SCYL3: variants seen among roughly 807,000 people sequenced by gnomAD.
SCYL3 encodes the protein SCY1 like pseudokinase 3, also known as protein-associating with the carboxyl-terminal domain of ezrin.
In SCYL3, 35 loss-of-function variants were observed where a neutral mutation model predicts 73.8. The ratio of observed to expected loss-of-function variants is 0.47; its 90% CI spans 0.36 to 0.63. The LOEUF (loss-of-function observed/expected upper bound fraction) is 0.63, where lower values mean the gene tolerates loss of function less well. Among genes scored for constraint, SCYL3 ranks in the 20% least tolerant of loss-of-function variants. SCYL3 has a pLI of 0.00. For synonymous variants in SCYL3, 277 were observed against 295.2 expected (o/e 0.94, Z 0.63); for missense variants, 712 against 798.9 (o/e 0.89, Z 1.31).
chr1:169,865,481 C>G (rs1160375005), intron 8 of SCYL3, among the ~76,000 whole-genome samples: 2 of 152,202 alleles, frequency 1.3e-5, no homozygotes, highest in African/African-American at 2.4e-5. Flanking sequence ...CAGCATTCCC[C>G]TCTCTTCCAG....
chr1:169,856,709 C>CCA (rs1258377844), intron 11 of SCYL3, among the ~76,000 whole-genome samples: 1 of 152,126 alleles, frequency 6.6e-6, no homozygotes, highest in East Asian at 1.9e-4. Context: ...ACCATGTTCT[C>CCA]CACCTCTCTT....
At chr1:169,890,929 G>C (rs1009156763) in intron 1 of SCYL3, among the ~76,000 whole-genome samples, 3 of 152,334 alleles carry the variant, frequency 2.0e-5, no homozygotes, top group South Asian at 4.1e-4. Context: ...GTGCTGGCCA[G>C]ATTGTCACAA....
intron 2 of SCYL3, among the ~76,000 whole-genome samples, chr1:169,887,397 T>C (rs3766152): frequency 0.066 from 10,015 of 152,074 alleles, 429 homozygotes; most frequent in Non-Finnish European, 0.1. Flanking sequence ...CACCATAAAG[T>C]GTAACACAAT....
At chr1:169,867,073 A>G (rs952973072) in intron 7 of SCYL3, 100 bp from the exon 8 acceptor site, 6 of 662,162 alleles carry the variant, frequency 9.1e-6, no homozygotes, top group Non-Finnish European at 1.6e-5. Flanking sequence ...TTCAACCAAG[A>G]AACATTCTCC....
intron 3 of SCYL3, among the ~76,000 whole-genome samples, chr1:169,876,362 A>G (rs1660806424): frequency 6.6e-6 from 1 of 152,214 alleles, no homozygotes; most frequent in Non-Finnish European, 1.5e-5. Flanking sequence ...GCAGGTTAAT[A>G]AACACATTAA....
In SCYL3 at chr1:169,853,883, A is replaced by ACTAC. The variant is rs1287826149; in HGVS notation, c.2008-115_2008-112dup. 3.6e-6 allele frequency: 4 copies of ACTAC among 1,123,682 alleles called. No homozygotes were observed. The African/African-American group carries it at 4.7e-5, about 13-fold the overall frequency. 69.6% of individuals were successfully genotyped at this position (1,123,682 alleles called of 1,614,324 possible). A position where few individuals can be genotyped will look rare whatever the true frequency, so the allele number is the denominator to read the frequency against. On this transcript the variant is annotated intron_variant, in intron 12 of 12. Coordinates refer to ENST00000367771, the MANE Select transcript of SCYL3 (RefSeq NM_020423.7). ...AAATTTATCTTTTGATGCCAGAAAC[A>ACTAC]CTACCTCGTACTAAGTAAAATAACT...
rs560076666 is a variant in SCYL3, at chr1:169,854,764, G to A, written c.1513C>T (p.Gln505Ter). The part of the protein sequence containing the change: ...PREPCDDVKS[Q>*]CTTLDVEESS... ...TCTTCCACATCCAAGGTAGTGCACT[G>A]GGACTTGACATCATCACAAGGTTCT... Residue 505 changes from glutamine to a stop codon, truncating the protein, a stop_gained, in exon 12 of 13, where the codon CAG becomes TAG. Transcript: ENST00000367771. LOFTEE classifies it high-confidence loss of function. 3.7e-6 allele frequency: 6 copies of A among 1,613,944 alleles called. No homozygotes were observed. In the Admixed American group the frequency reaches 8.3e-5, roughly 22 times the overall value.
At chr1:169,857,569 A>T (rs1378948332) in intron 11 of SCYL3, among the ~76,000 whole-genome samples, 1 of 152,260 alleles carries the variant, frequency 6.6e-6, no homozygotes, top group Non-Finnish European at 1.5e-5. Flanking sequence ...TGCAGTATCC[A>T]TGAATAAAGA....
At chr1:169,890,638 T>C (rs950417051) in intron 1 of SCYL3, among the ~76,000 whole-genome samples, 16 of 152,200 alleles carry the variant, frequency 1.1e-4, no homozygotes, top group Admixed American at 1.0e-3. Context: ...AAGAAACACA[T>C]GTATAAAGGC....
intron 4 of SCYL3, among the ~76,000 whole-genome samples, chr1:169,875,391 A>G (rs1357342402): frequency 6.6e-6 from 1 of 152,230 alleles, no homozygotes; most frequent in Non-Finnish European, 1.5e-5. Flanking sequence ...CCTGGGAGGG[A>G]AACATGCAGA....
intron 12 of SCYL3, chr1:169,853,981 T>TA (rs1416001746): frequency 1.6e-5 from 10 of 623,032 alleles, no homozygotes; most frequent in Non-Finnish European, 2.5e-5. Context: ...TCAAAAACCA[T>TA]AAAATCCAGT....
In SCYL3 at chr1:169,852,944, A is replaced by G. The variant is rs1658601219; in HGVS notation, c.*769T>C. On this transcript the variant is annotated 3_prime_UTR_variant, in exon 13 of 13. Transcript: ENST00000367771. ...TCAATGGAAATGGAGGCGCTCCAAG[A>G]AAGGATGGATAAGCTAAAACGTTAC... is the stretch of plus-strand genomic sequence containing the variant. 6.2e-7 allele frequency: 1 copy of G among 1,614,158 alleles called. No homozygotes were observed. The highest frequency in any genetic ancestry group is 8.5e-7 in the Non-Finnish European group (1 of 1,179,990).
chr1:169,850,319 A>G lies in SCYL3; in HGVS notation c.*3394T>C. The G allele has an allele frequency of 1.9e-6, 3 of 1,610,044 alleles. No homozygotes were observed. Among genetic ancestry groups the G allele is most frequent in the Non-Finnish European group, 2.6e-6 (3 of 1,176,400 alleles). ...GTGTCTCAGTTCTGAAGAAACTAAG[A>G]ACAAAGTTGTATCCTTTCTGGAGAA... On this transcript the variant is annotated 3_prime_UTR_variant, in exon 13 of 13. Coordinates refer to ENST00000367771, the MANE Select transcript of SCYL3 (RefSeq NM_020423.7).
rs1205323493 is a variant in SCYL3, at chr1:169,872,786, C to T, written c.522+910G>A. On this transcript the variant is annotated intron_variant, in intron 5 of 12. Transcript: ENST00000367771. ...ATTTTGGAGCTTTAAGATTTGACTG[C>T]CTCACTGGATTTCACACTTGCCTGT... Among the ~76,000 whole-genome samples, 4 of 152,286 alleles carry T rather than the reference C, an allele frequency of 2.6e-5. 1 individual carries two copies. In the East Asian group the frequency reaches 7.7e-4, roughly 29 times the overall value.
chr1:169,863,316 T>C (rs530493797), intron 9 of SCYL3, among the ~76,000 whole-genome samples: 32 of 152,368 alleles, frequency 2.1e-4, no homozygotes, highest in Admixed American at 3.3e-4. Context: ...TGTAGAGTTT[T>C]TGAAATACTA....
intron 2 of SCYL3, among the ~76,000 whole-genome samples, chr1:169,886,937 C>T (rs958290889): frequency 5.3e-5 from 8 of 152,154 alleles, no homozygotes; most frequent in Non-Finnish European, 8.8e-5. Context: ...ATCGTTAAAA[C>T]TACCAAAGGT....
At chr1:169,855,979 A>G in intron 11 of SCYL3, 1 of 1,605,972 alleles carries the variant, frequency 6.2e-7, no homozygotes, top group East Asian at 2.2e-5. Flanking sequence ...TAAAAACTCC[A>G]AAACATGAAA....
At chr1:169,883,180 C>T (rs959439632) in intron 2 of SCYL3, among the ~76,000 whole-genome samples, 1 of 152,178 alleles carries the variant, frequency 6.6e-6, no homozygotes, top group African/African-American at 2.4e-5. Context: ...CTGTAACACT[C>T]ACCGCGAGGG....
Position 169,853,058 on chromosome 1 carries a change from A to G in SCYL3, c.*655T>C. 1 of 1,480,738 alleles carries G rather than the reference A, an allele frequency of 6.8e-7. No homozygotes were observed. The highest frequency in any genetic ancestry group is 2.3e-5 in the East Asian group (1 of 43,872). The allele number at this position is 1,480,738 out of a possible 1,614,324, so 91.7% of individuals were successfully genotyped here. ...AATACTTATGTCTGTACATTTTCTA[A>G]CAGATATAAAACAAATTTTGTAAAG... On this transcript the variant is annotated 3_prime_UTR_variant, in exon 13 of 13. Transcript: ENST00000367771.
Sources: gnomAD v4.1 joint callset for allele counts (sites outside exome capture counted in the v4.1 genomes callset) on GRCh38, gnomAD v4.1.1 for gene constraint, MANE v1.5 for transcripts, NCBI Gene and HGNC (gene_info 2026-07-23, HGNC 2026-07-21) for gene names.